The following ARL15 variants were observed in gnomAD, a reference collection of about 807,000 sequenced individuals.
ARL15 encodes ARF like GTPase 15.
In ARL15, 19 loss-of-function variants were observed where a neutral mutation model predicts 25.2. The observed-to-expected ratio is 0.75, with a 90% confidence interval of 0.53 to 1.10. The LOEUF (loss-of-function observed/expected upper bound fraction) is 1.10, where lower values mean the gene tolerates loss of function less well. ARL15 is among the 50% of genes least tolerant of loss of function. The pLI is 0.00. For missense variants in ARL15, 220 were observed against 246.0 expected (o/e 0.89, Z 0.71); for synonymous variants, 94 against 86.8 (o/e 1.08, Z -0.46).
chr5:54,254,327 T>C (rs546242540), intron 1 of ARL15, among the ~76,000 whole-genome samples: 8 of 152,314 alleles, frequency 5.3e-5, no homozygotes, highest in African/African-American at 1.9e-4. Flanking sequence ...CAAGCCTCTA[T>C]TATATAAGGA....
At chr5:54,189,427 T>G (rs1579891664) in intron 1 of ARL15, among the ~76,000 whole-genome samples, 1 of 152,038 alleles carries the variant, frequency 6.6e-6, no homozygotes, top group African/African-American at 2.4e-5. Flanking sequence ...AAAGAACATG[T>G]TATTAGCATA....
Position 53,886,878 on chromosome 5 carries a change from T to C in ARL15, c.463-165A>G, listed in dbSNP as rs573857815. ...TGCCTGTCCGCAGCTGTTGTTATAA[T>C]GTGGGTTATATATTGTGACCTGGGA... On this transcript the variant is annotated intron_variant, in intron 4 of 4. Coordinates refer to ENST00000504924, the MANE Select transcript of ARL15 (RefSeq NM_019087.3). Among the ~76,000 whole-genome samples, 35 of 152,294 alleles carry C rather than the reference T, an allele frequency of 2.3e-4. No individual in the cohort carries two copies. The Middle Eastern group carries it at 0.01, about 44-fold the overall frequency.
intron 1 of ARL15, among the ~76,000 whole-genome samples, chr5:54,188,377 A>C (rs572341701): frequency 6.6e-6 from 1 of 152,298 alleles, no homozygotes; most frequent in South Asian, 2.1e-4. Context: ...GAAATAATTT[A>C]TGATATTCTA....
At chr5:54,177,161 G>A (rs1193768348) in intron 1 of ARL15, among the ~76,000 whole-genome samples, 1 of 152,166 alleles carries the variant, frequency 6.6e-6, no homozygotes, top group African/African-American at 2.4e-5. Context: ...TTTTTTAAAA[G>A]AACCCAGTGT....
At chr5:53,990,228 G>C (rs555101721) in intron 4 of ARL15, among the ~76,000 whole-genome samples, 32 of 150,164 alleles carry the variant, frequency 2.1e-4, no homozygotes, top group Admixed American at 1.9e-3. Context: ...GCCAGGCCCT[G>C]TCTCTAAAAA....
chr5:54,181,769 T>C (rs941244130), intron 1 of ARL15, among the ~76,000 whole-genome samples: 4 of 152,264 alleles, frequency 2.6e-5, no homozygotes, highest in African/African-American at 4.8e-5. Flanking sequence ...CCCCATCTCT[T>C]CAAAAGAAAA....
intron 4 of ARL15, among the ~76,000 whole-genome samples, chr5:53,950,806 T>A (rs1295517663): frequency 6.6e-6 from 1 of 152,202 alleles, no homozygotes; most frequent in East Asian, 1.9e-4. Flanking sequence ...GCATTATGAG[T>A]GCTCTAAGGT....
In ARL15 at chr5:54,152,754, A is replaced by G. The variant is rs1436685277; in HGVS notation, c.253+1826T>C. Among the ~76,000 whole-genome samples the G allele has an allele frequency of 4.6e-5, 7 of 152,244 alleles. No individual in the cohort carries two copies. In the East Asian group the frequency reaches 1.4e-3, roughly 29 times the overall value. On this transcript the variant is annotated intron_variant, in intron 3 of 4. Transcript: ENST00000504924. Reference sequence around the variant, plus strand: ...AACTAAAACATAACCACCAAATCCTATGGTATCCTCTCCATTGTAATTTCC... The same window carrying G: ...AACTAAAACATAACCACCAAATCCTGTGGTATCCTCTCCATTGTAATTTCC...
intron 1 of ARL15, among the ~76,000 whole-genome samples, chr5:54,296,319 T>A (rs1353633709): frequency 6.6e-6 from 1 of 152,210 alleles, no homozygotes; most frequent in Non-Finnish European, 1.5e-5. Context: ...AGGCTCTCTT[T>A]TAAATGCTTT....
At chr5:54,004,642 A>G (rs1304789492) in intron 4 of ARL15, among the ~76,000 whole-genome samples, 1 of 152,182 alleles carries the variant, frequency 6.6e-6, no homozygotes, top group African/African-American at 2.4e-5. Context: ...CCGCCTCTCT[A>G]TCACAGAGCC....
intron 1 of ARL15, among the ~76,000 whole-genome samples, chr5:54,231,211 A>G (rs1019677503): frequency 6.6e-6 from 1 of 152,162 alleles, no homozygotes; most frequent in African/African-American, 2.4e-5. Flanking sequence ...AGTTCAGTGA[A>G]CAAGGATCAC....
intron 4 of ARL15, among the ~76,000 whole-genome samples, chr5:54,005,870 A>AC (rs1749017839): frequency 1.2e-5 from 1 of 80,224 alleles, no homozygotes; most frequent in Non-Finnish European, 2.6e-5. Context: ...TCAAAAAAAA[A>AC]AAACCAAAAA....
At chr5:54,062,290 G>A (rs1751091390) in intron 4 of ARL15, among the ~76,000 whole-genome samples, 1 of 152,126 alleles carries the variant, frequency 6.6e-6, no homozygotes, top group Non-Finnish European at 1.5e-5. Flanking sequence ...TTAAGACTTT[G>A]GAGGACTGTT....
At chr5:54,013,410 T>C (rs946222450) in intron 4 of ARL15, among the ~76,000 whole-genome samples, 2 of 152,198 alleles carry the variant, frequency 1.3e-5, no homozygotes, top group African/African-American at 4.8e-5. Context: ...TGGAGAGATT[T>C]AGTTTAAATT....
chr5:54,104,827 T>C (rs1752543066), intron 4 of ARL15, among the ~76,000 whole-genome samples: 1 of 152,046 alleles, frequency 6.6e-6, no homozygotes, highest in Admixed American at 6.6e-5. Flanking sequence ...ACAATGCTTC[T>C]GCATTACAGA....
intron 1 of ARL15, among the ~76,000 whole-genome samples, chr5:54,296,492 G>A (rs559920543): frequency 6.6e-6 from 1 of 152,344 alleles, no homozygotes; most frequent in African/African-American, 2.4e-5. Flanking sequence ...ATTATGTGCA[G>A]CATCTCAGTC....
intron 4 of ARL15, among the ~76,000 whole-genome samples, chr5:54,061,824 G>A (rs1354652187): frequency 6.6e-6 from 1 of 152,044 alleles, no homozygotes; most frequent in African/African-American, 2.4e-5. Context: ...TATGAGAAAA[G>A]GGCCACCATC....
chr5:53,938,350 G>C (rs1419116457), intron 4 of ARL15, among the ~76,000 whole-genome samples: 2 of 152,156 alleles, frequency 1.3e-5, no homozygotes, highest in East Asian at 3.9e-4. Context: ...CTACTTTAGG[G>C]AACTTCCCTA....
intron 4 of ARL15, among the ~76,000 whole-genome samples, chr5:53,911,734 C>A (rs1745471620): frequency 6.6e-6 from 1 of 152,076 alleles, no homozygotes; most frequent in South Asian, 2.1e-4. Context: ...CATTCTTATA[C>A]TTTTGTGTTC....
Sources: allele counts gnomAD v4.1 joint callset (sites outside exome capture counted in the v4.1 genomes callset), GRCh38; gene constraint gnomAD v4.1.1; transcripts MANE v1.5; gene names NCBI Gene and HGNC (gene_info 2026-07-23, HGNC 2026-07-21).